The following AKAP7 variants were observed in gnomAD, a reference collection of about 807,000 sequenced individuals.
AKAP7 encodes A kinase (PRKA) anchor protein 7.
AKAP7 carries 39 observed loss-of-function variants against 39.5 expected under a neutral mutation model. That is an observed-to-expected ratio of 0.99 (90% CI 0.76 to 1.29). The LOEUF (loss-of-function observed/expected upper bound fraction) is 1.29, where lower values mean the gene tolerates loss of function less well. Among genes scored for constraint, AKAP7 ranks in the 50% most tolerant of loss-of-function variants. AKAP7 has a pLI of 0.00. For missense variants in AKAP7, 414 were observed against 407.7 expected (o/e 1.02, Z -0.13); for synonymous variants, 140 against 139.1 (o/e 1.01, Z -0.05).
chr6:131,269,761 A>AT (rs1192720173), intron 7 of AKAP7, among the ~76,000 whole-genome samples: 1 of 152,202 alleles, frequency 6.6e-6, no homozygotes, highest in Non-Finnish European at 1.5e-5. Flanking sequence ...AAAACAATTT[A>AT]TTTGAGTCAT....
intron 7 of AKAP7, among the ~76,000 whole-genome samples, chr6:131,220,439 G>A (rs1418500090): frequency 6.6e-6 from 1 of 152,134 alleles, no homozygotes; most frequent in Non-Finnish European, 1.5e-5. Flanking sequence ...CAATGTGAAC[G>A]TATTTCAAAG....
chr6:131,155,706 A>T (rs1802358298), intron 2 of AKAP7, among the ~76,000 whole-genome samples: 1 of 152,166 alleles, frequency 6.6e-6, no homozygotes, highest in South Asian at 2.1e-4. Flanking sequence ...GATTCCTCCA[A>T]AGGTGACCTG....
At chr6:131,159,980 T>A (rs1562872217) in intron 2 of AKAP7, 79 bp from the exon 3 acceptor site, 1 of 1,281,288 alleles carries the variant, frequency 7.8e-7, no homozygotes, top group Non-Finnish European at 1.1e-6. Context: ...TTGCTACTTA[T>A]ATATTGCTTG....
chr6:131,170,318 A>G (rs962026782), intron 5 of AKAP7, among the ~76,000 whole-genome samples: 2 of 152,112 alleles, frequency 1.3e-5, no homozygotes, highest in Non-Finnish European at 2.9e-5. Flanking sequence ...AAGAAAAAAA[A>G]AAGAAACAAT....
At chr6:131,161,685 T>C (rs1214489038) in intron 3 of AKAP7, among the ~76,000 whole-genome samples, 4 of 65,444 alleles carry the variant, frequency 6.1e-5, no homozygotes, top group South Asian at 4.9e-4. Context: ...AAAAAAAAAA[T>C]TAAAGGTCCT....
chr6:131,281,996 C>T lies in AKAP7; in HGVS notation c.*270C>T, dbSNP rs1048638266. ...TCAGCCACGCACAAGGGAAAGGGAACTTTGGGTTATGCCTCCTGGACGCAA... is the reference window on the plus strand; with the variant it reads ...TCAGCCACGCACAAGGGAAAGGGAATTTTGGGTTATGCCTCCTGGACGCAA... On this transcript the variant is annotated 3_prime_UTR_variant, in exon 8 of 8. Coordinates refer to ENST00000431975, the MANE Select transcript of AKAP7 (RefSeq NM_016377.4). This position sits in a 1 kb window ranked among gnomAD's most constrained non-coding sequence, Gnocchi z 4.0. The T allele has an allele frequency of 2.6e-6, 3 of 1,175,734 alleles. No individual in the cohort carries two copies. The highest frequency in any genetic ancestry group is 1.6e-5 in the African/African-American group (1 of 63,182). The allele number at this position is 1,175,734 out of a possible 1,614,324, so 72.8% of individuals were successfully genotyped here. A position where few individuals can be genotyped will look rare whatever the true frequency, so the allele number is the denominator to read the frequency against.
chr6:131,167,891 G>A (rs1289324268), intron 4 of AKAP7, among the ~76,000 whole-genome samples: 1 of 152,076 alleles, frequency 6.6e-6, no homozygotes, highest in Non-Finnish European at 1.5e-5. Context: ...ACAAATCACT[G>A]ATCAAAATAA....
chr6:131,156,931 C>T (rs556001546), intron 2 of AKAP7, among the ~76,000 whole-genome samples: 31 of 152,064 alleles, frequency 2.0e-4, no homozygotes, highest in South Asian at 1.2e-3. Flanking sequence ...GTCGCCACCA[C>T]GCCTGGCTAA....
intron 7 of AKAP7, among the ~76,000 whole-genome samples, chr6:131,275,703 G>A (rs1441107042): frequency 6.6e-6 from 1 of 152,176 alleles, no homozygotes; most frequent in Non-Finnish European, 1.5e-5. Context: ...CATGTGGAGG[G>A]CACAAGTCAC....
intron 7 of AKAP7, among the ~76,000 whole-genome samples, chr6:131,245,599 A>G (rs968396139): frequency 1.3e-5 from 2 of 152,132 alleles, no homozygotes; most frequent in African/African-American, 4.8e-5. Context: ...ATGTATTCCA[A>G]AACATCCCAA....
Position 131,261,761 on chromosome 6 carries a change from A to G in AKAP7, c.851-19769A>G, listed in dbSNP as rs531385018. ...CCTTTGCCTCTGTCGTTCATGTCTTAGTCCGCTGTAAATAAAACATTGTGG... is the reference window on the plus strand; with the variant it reads ...CCTTTGCCTCTGTCGTTCATGTCTTGGTCCGCTGTAAATAAAACATTGTGG... On this transcript the variant is annotated intron_variant, in intron 7 of 7. Transcript: ENST00000431975. Among the ~76,000 whole-genome samples the G allele has an allele frequency of 5.8e-4, 88 of 152,324 alleles. 1 individual carries two copies. The South Asian group carries it at 0.018, about 31-fold the overall frequency.
chr6:131,201,902 T>C (rs1247310666), intron 6 of AKAP7, among the ~76,000 whole-genome samples: 2 of 152,268 alleles, frequency 1.3e-5, no homozygotes, highest in South Asian at 2.1e-4. Context: ...CAGATAGTTG[T>C]AGATATGCAG....
chr6:131,273,571 A>T (rs774724476), intron 7 of AKAP7, among the ~76,000 whole-genome samples: 37 of 152,338 alleles, frequency 2.4e-4, no homozygotes, highest in Non-Finnish European at 3.7e-4. Context: ...CACGTTTAAC[A>T]GAAGAACCTT....
intron 2 of AKAP7, among the ~76,000 whole-genome samples, chr6:131,149,389 C>T (rs1562864042): frequency 6.6e-6 from 1 of 152,228 alleles, no homozygotes; most frequent in Non-Finnish European, 1.5e-5. Flanking sequence ...AATCCCAGCA[C>T]TTCGGGAGGC....
chr6:131,156,582 G>A (rs1279932489), intron 2 of AKAP7, among the ~76,000 whole-genome samples: 3 of 152,030 alleles, frequency 2.0e-5, no homozygotes, highest in Non-Finnish European at 4.4e-5. Context: ...CGAGGTTACA[G>A]TGAGCTATGA....
chr6:131,277,926 A>C (rs952458358), intron 7 of AKAP7, among the ~76,000 whole-genome samples: 9 of 152,206 alleles, frequency 5.9e-5, no homozygotes, highest in African/African-American at 1.7e-4. Context: ...TGTCTTACTG[A>C]CCAGGTTCAT....
chr6:131,193,985 CA>C (rs1229967957), intron 5 of AKAP7, among the ~76,000 whole-genome samples: 6 of 151,676 alleles, frequency 4.0e-5, no homozygotes. Flanking sequence ...CTTATCTTTT[CA>C]AAAAAACAGC....
chr6:131,138,474 C>T (rs1423983352), intron 1 of AKAP7, among the ~76,000 whole-genome samples: 1 of 152,128 alleles, frequency 6.6e-6, no homozygotes, highest in African/African-American at 2.4e-5. Flanking sequence ...TTAAATAAAG[C>T]TGTGGTGAAT....
chr6:131,173,142 A>C (rs947600525), intron 5 of AKAP7, among the ~76,000 whole-genome samples: 1 of 151,048 alleles, frequency 6.6e-6, no homozygotes, highest in African/African-American at 2.4e-5. Flanking sequence ...CGGAGGTTGC[A>C]GTGAGCCGAG....
Sources: allele counts gnomAD v4.1 joint callset (sites outside exome capture counted in the v4.1 genomes callset), GRCh38; gene constraint gnomAD v4.1.1; non-coding constraint Gnocchi (gnomAD v3.1); transcripts MANE v1.5; gene names NCBI Gene and HGNC (gene_info 2026-07-23, HGNC 2026-07-21).